The following NDUFB2 variants were observed in gnomAD, a reference collection of about 807,000 sequenced individuals.
NDUFB2 encodes NADH dehydrogenase [ubiquinone] 1 beta subcomplex subunit 2, mitochondrial.
In NDUFB2, 13 loss-of-function variants were observed where a neutral mutation model predicts 13.4. The observed-to-expected ratio is 0.97, with a 90% CI of 0.63 to 1.54. The LOEUF is 1.54. Among genes scored for constraint, NDUFB2 ranks in the 40% most tolerant of loss-of-function variants. NDUFB2 has a pLI of 0.00. For synonymous variants in NDUFB2, 47 were observed against 50.6 expected, an observed-to-expected ratio of 0.93 and a Z score of 0.30; for missense variants, 150 against 139.7, an observed-to-expected ratio of 1.07 and a Z score of -0.37.
intron 1 of NDUFB2, chr7:140,702,389 A>C (rs1269722771): frequency 3.8e-6 from 1 of 262,862 alleles, no homozygotes; most frequent in Non-Finnish European, 7.1e-6. Flanking sequence ...CTTTGTTCAG[A>C]GCCATTAGCA....
intron 2 of NDUFB2, 69 bp downstream of exon 2, chr7:140,703,079 AT>A: frequency 6.3e-7 from 1 of 1,576,628 alleles, no homozygotes; most frequent in Non-Finnish European, 8.7e-7. Flanking sequence ...TAGCTTGTTT[AT>A]TTTTCTGTTG....
At chr7:140,699,571 G>A (rs547290517) in intron 1 of NDUFB2, among the ~76,000 whole-genome samples, 10 of 152,004 alleles carry the variant, frequency 6.6e-5, no homozygotes, top group Non-Finnish European at 1.5e-4. Flanking sequence ...TTACCATATG[G>A]GGTTGCAGCT....
intron 3 of NDUFB2, chr7:140,706,060 T>TATGTGTTATGTTATG (rs1402496959): frequency 3.0e-4 from 37 of 125,120 alleles, no homozygotes; most frequent in African/African-American, 1.3e-3. Context: ...TATGTTATGT[T>TATGTGTTATGTTATG]TTATGTTATG....
intron 1 of NDUFB2, chr7:140,702,172 G>C (rs983094943): frequency 1.6e-6 from 1 of 628,908 alleles, no homozygotes; most frequent in Non-Finnish European, 2.9e-6. Flanking sequence ...ATCCACTTCT[G>C]TTTATTAGCA....
At chr7:140,705,407 TG>T (rs1209165520) in intron 3 of NDUFB2, 2 of 152,462 alleles carry the variant, frequency 1.3e-5, no homozygotes, top group Admixed American at 1.3e-4. Flanking sequence ...GCCATGTATC[TG>T]ATTTCTGCCT....
chr7:140,703,273 ATTTTTTTTT>A (rs10597210), intron 2 of NDUFB2, among the ~76,000 whole-genome samples: 1 of 120,330 alleles, frequency 8.3e-6, no homozygotes, highest in African/African-American at 3.3e-5. Context: ...CTAAAAGCTC[ATTTTTTTTT>A]TTTTTTTTTT....
At chr7:140,702,319 C>G (rs1794909219) in intron 1 of NDUFB2, among the ~76,000 whole-genome samples, 1 of 152,242 alleles carries the variant, frequency 6.6e-6, no homozygotes, top group East Asian at 1.9e-4. Flanking sequence ...CACAACTTGT[C>G]AAGTGTCTGA....
intron 1 of NDUFB2, among the ~76,000 whole-genome samples, chr7:140,699,680 G>A (rs993695781): frequency 6.6e-6 from 1 of 151,864 alleles, no homozygotes; most frequent in African/African-American, 2.4e-5. Context: ...GGAGGTTCAA[G>A]GGCTCCCGGT....
chr7:140,698,346 T>C, intron 1 of NDUFB2: 1 of 1,338,674 alleles, frequency 7.5e-7, no homozygotes, highest in African/African-American at 1.5e-5. Context: ...GAGCATCTTC[T>C]ATATGGCTGC....
intron 1 of NDUFB2, chr7:140,702,169 T>C (rs951676741): frequency 4.7e-6 from 3 of 636,086 alleles, no homozygotes; most frequent in Non-Finnish European, 8.5e-6. Flanking sequence ...TTTATCCACT[T>C]CTGTTTATTA....
chr7:140,696,709 A>G lies in NDUFB2; in HGVS notation c.-36A>G. 6.5e-7 allele frequency: 1 copy of G among 1,542,280 alleles called. No homozygotes were observed. The highest frequency in any genetic ancestry group is 8.8e-7 in the Non-Finnish European group (1 of 1,140,368). On this transcript the variant is annotated 5_prime_UTR_variant, in exon 1 of 4. Coordinates refer to ENST00000247866, the MANE Select transcript of NDUFB2 (RefSeq NM_004546.3). ...CGGGGAAGCGAAGTAGGCAGGGGCG[A>G]GGCGGCTGGGGACCGCGGGGCGGAC...
chr7:140,697,108 G>T, intron 1 of NDUFB2: 1 of 589,122 alleles, frequency 1.7e-6, no homozygotes, highest in South Asian at 2.0e-5. Context: ...GGAGACGCAC[G>T]CGTGAATGCG....
At chr7:140,701,931 C>G in intron 1 of NDUFB2, 1 of 618,256 alleles carries the variant, frequency 1.6e-6, no homozygotes, top group Non-Finnish European at 2.9e-6. Context: ...GTGAGACTCT[C>G]GCAAACAAAC....
At chr7:140,706,060 T>TATGTTATGTTATGTTTTATGTTATG (rs1402496959) in intron 3 of NDUFB2, 13 of 125,116 alleles carry the variant, frequency 1.0e-4, no homozygotes, top group African/African-American at 4.5e-4. Flanking sequence ...TATGTTATGT[T>TATGTTATGTTATGTTTTATGTTATG]TTATGTTATG....
At chr7:140,698,768 G>C (rs1353719581) in intron 1 of NDUFB2, among the ~76,000 whole-genome samples, 1 of 152,120 alleles carries the variant, frequency 6.6e-6, no homozygotes, top group African/African-American at 2.4e-5. Flanking sequence ...CCGGATTAGA[G>C]GGGGCTTTGG....
chr7:140,704,777 T>C (rs1376655220), intron 2 of NDUFB2, 83 bp from the exon 3 acceptor site: 20 of 964,754 alleles, frequency 2.1e-5, no homozygotes. Context: ...TTTTTTTTTC[T>C]TTCCAAGATT....
Position 140,703,476 on chromosome 7 carries a change from T to C in NDUFB2, c.243+466T>C, listed in dbSNP as rs1051032875. Among the ~76,000 whole-genome samples the C allele has an allele frequency of 4.6e-5, 7 of 152,062 alleles. No individual in the cohort carries two copies. The East Asian group carries it at 1.4e-3, about 30-fold the overall frequency. On this transcript the variant is annotated intron_variant, in intron 2 of 3. Coordinates refer to ENST00000247866, the MANE Select transcript of NDUFB2 (RefSeq NM_004546.3). Reference sequence around the variant, plus strand: ...TGTTAGTAGAGACGGGGTTTCACCATGTTGGTCAGGCTGCTCTCAAACTCC... The same window carrying C: ...TGTTAGTAGAGACGGGGTTTCACCACGTTGGTCAGGCTGCTCTCAAACTCC...
At chr7:140,699,914 G>A (rs370512171) in intron 1 of NDUFB2, among the ~76,000 whole-genome samples, 45 of 150,490 alleles carry the variant, frequency 3.0e-4, no homozygotes, top group East Asian at 2.9e-3. Context: ...TGAATTAGGT[G>A]TTGAGTCTTT....
At chr7:140,696,920 C>G (rs977042163) in intron 1 of NDUFB2, 78 bp downstream of exon 1, 269 of 1,356,486 alleles carry the variant, frequency 2.0e-4, no homozygotes, top group South Asian at 8.4e-4. Flanking sequence ...CTCACCTTGA[C>G]TGGGGCGCCT....
Sources: allele counts gnomAD v4.1 joint callset (sites outside exome capture counted in the v4.1 genomes callset), GRCh38; gene constraint gnomAD v4.1.1; transcripts MANE v1.5; gene names NCBI Gene and HGNC (gene_info 2026-07-23, HGNC 2026-07-21).